GALNT14: variants seen among roughly 807,000 people sequenced by gnomAD.
GALNT14 encodes the protein UDP-GalNAc:polypeptide N-acetylgalactosaminyltransferase 14.
In GALNT14, 60 loss-of-function variants were observed where a neutral mutation model predicts 77.5. The observed-to-expected ratio is 0.77, with a 90% confidence interval of 0.63 to 0.96. The LOEUF (loss-of-function observed/expected upper bound fraction) is 0.96, where lower values mean the gene tolerates loss of function less well. GALNT14 is among the 40% of genes least tolerant of loss of function. GALNT14 has a pLI of 0.00. For synonymous variants in GALNT14, 280 were observed against 281.7 expected (o/e 0.99, Z 0.06); for missense variants, 710 against 731.0 (o/e 0.97, Z 0.33).
chr2:30,905,000 C>G, the GALNT14 span, among the ~76,000 whole-genome samples: 1 of 152,082 alleles, frequency 6.6e-6, no homozygotes, highest in African/African-American at 2.4e-5. Context: ...AGCTGAGGGT[C>G]CTGTCTGTTA....
At chr2:31,098,194 A>G (rs1677091720) in intron 1 of GALNT14, among the ~76,000 whole-genome samples, 1 of 152,164 alleles carries the variant, frequency 6.6e-6, no homozygotes, top group Non-Finnish European at 1.5e-5. Flanking sequence ...TTCTGCAAAC[A>G]AACACTCCAG....
Position 30,923,117 on chromosome 2 carries a change from C to T in GALNT14, c.1380+1002G>A, listed in dbSNP as rs7558728. Among the ~76,000 whole-genome samples the T allele has an allele frequency of 2.9e-3, 393 of 136,468 alleles. 6 individuals carry two copies. The highest frequency in any genetic ancestry group is 0.011 in the African/African-American group (374 of 35,332). 89.5% of individuals were successfully genotyped at this position (136,468 alleles called of 152,430 possible). On this transcript the variant is annotated intron_variant, in intron 13 of 14. Transcript: ENST00000349752. ...CACTATTGTTGCCTGGGCTGGAGTG[C>T]AATGGTGTGATCTCGGCTCACTGCA...
At chr2:30,938,864 T>C (rs1381418493) in intron 9 of GALNT14, among the ~76,000 whole-genome samples, 1 of 152,212 alleles carries the variant, frequency 6.6e-6, no homozygotes, top group Non-Finnish European at 1.5e-5. Context: ...CATGCAAACA[T>C]GTCTAGAACA....
chr2:31,117,031 C>CT, intron 1 of GALNT14, among the ~76,000 whole-genome samples: 1 of 151,880 alleles, frequency 6.6e-6, no homozygotes, highest in Non-Finnish European at 1.5e-5. Context: ...GAGCGAAACT[C>CT]TATCTCAGAA....
At chr2:31,002,613 A>T (rs1287666411) in intron 1 of GALNT14, among the ~76,000 whole-genome samples, 2 of 152,194 alleles carry the variant, frequency 1.3e-5, no homozygotes, top group Non-Finnish European at 2.9e-5. Context: ...CCAGCCAGTT[A>T]GGGAGTGACT....
intron 1 of GALNT14, among the ~76,000 whole-genome samples, chr2:31,035,643 A>G (rs1318689243): frequency 8.8e-6 from 1 of 113,002 alleles, no homozygotes; most frequent in Non-Finnish European, 1.9e-5. Flanking sequence ...ACACACACAC[A>G]CACACACACA....
At chr2:31,009,675 C>T (rs1226865218) in intron 1 of GALNT14, among the ~76,000 whole-genome samples, 1 of 152,202 alleles carries the variant, frequency 6.6e-6, no homozygotes, top group Non-Finnish European at 1.5e-5. Flanking sequence ...TCTTGATTTG[C>T]CCATTGGAAC....
intron 13 of GALNT14, among the ~76,000 whole-genome samples, chr2:30,919,911 T>G (rs1033608567): frequency 6.6e-6 from 1 of 152,188 alleles, no homozygotes; most frequent in African/African-American, 2.4e-5. Flanking sequence ...GGGACTACTC[T>G]CTGGCATGGT....
intron 1 of GALNT14, among the ~76,000 whole-genome samples, chr2:31,082,477 G>C (rs1219550009): frequency 6.6e-6 from 1 of 152,216 alleles, no homozygotes; most frequent in East Asian, 1.9e-4. Context: ...CAGATGCTTG[G>C]AGAAAGCCAG....
At chr2:30,901,320 A>T in the GALNT14 span, among the ~76,000 whole-genome samples, 3 of 152,120 alleles carry the variant, frequency 2.0e-5, no homozygotes, top group South Asian at 2.1e-4. Flanking sequence ...AGTCTCAGCC[A>T]CCCATATTGA....
chr2:30,913,364 G>C (rs1260165897), intron 13 of GALNT14, among the ~76,000 whole-genome samples: 1 of 152,144 alleles, frequency 6.6e-6, no homozygotes, highest in Admixed American at 6.5e-5. Context: ...CTCTGGACCA[G>C]GTTACTCATT....
intron 1 of GALNT14, among the ~76,000 whole-genome samples, chr2:31,102,861 T>C (rs1046168205): frequency 2.0e-5 from 3 of 152,156 alleles, no homozygotes; most frequent in Non-Finnish European, 4.4e-5. Context: ...ACATAGTTCC[T>C]TTATCTTATT....
chr2:31,101,065 A>G (rs1473544823), intron 1 of GALNT14, among the ~76,000 whole-genome samples: 3 of 152,058 alleles, frequency 2.0e-5, no homozygotes, highest in African/African-American at 7.2e-5. Flanking sequence ...ATTGTATCAA[A>G]GCATCATGAG....
intron 1 of GALNT14, among the ~76,000 whole-genome samples, chr2:31,110,455 C>T (rs368853750): frequency 1.3e-5 from 2 of 152,180 alleles, no homozygotes; most frequent in African/African-American, 4.8e-5. Flanking sequence ...CTCCAATGAG[C>T]AAAATCAGAG....
chr2:30,964,511 C>G (rs932790150), intron 3 of GALNT14, among the ~76,000 whole-genome samples: 1 of 152,146 alleles, frequency 6.6e-6, no homozygotes, highest in African/African-American at 2.4e-5. Context: ...CCCGGTGACA[C>G]CTGACAGTGA....
chr2:31,011,421 G>A (rs150968560), intron 1 of GALNT14, among the ~76,000 whole-genome samples: 223 of 152,206 alleles, frequency 1.5e-3, no homozygotes, highest in African/African-American at 5.1e-3. Flanking sequence ...CTGCTCACTG[G>A]GTCTCTGGTT....
intron 2 of GALNT14, among the ~76,000 whole-genome samples, chr2:30,990,757 C>A (rs1444266046): frequency 1.3e-5 from 2 of 152,196 alleles, no homozygotes; most frequent in Non-Finnish European, 2.9e-5. Context: ...AGAGTAAGTT[C>A]TTTAAGTGTG....
In GALNT14 at chr2:30,989,583, A is replaced by ATATATATATATAT. The variant is rs56703340; in HGVS notation, c.299+3254_299+3255insATATATATATATA. Reference sequence around the variant, plus strand: ...CCTTATATATATATATATATATATAAAAATATATATATTAGTAGATATATA... The same window carrying ATATATATATATAT: ...CCTTATATATATATATATATATATAATATATATATATATAAATATATATATTAGTAGATATATA... On this transcript the variant is annotated intron_variant, in intron 2 of 14. Transcript: ENST00000349752. 4.7e-3 allele frequency among the ~76,000 whole-genome samples: 427 copies of ATATATATATATAT among 91,724 alleles called. 9 individuals are homozygous for ATATATATATATAT. The highest frequency in any genetic ancestry group is 0.024 in the East Asian group (77 of 3,220). The allele number at this position is 91,724 out of a possible 152,430, so 60.2% of individuals were successfully genotyped here.
intron 1 of GALNT14, among the ~76,000 whole-genome samples, chr2:31,027,610 G>A (rs575266022): frequency 3.6e-4 from 55 of 152,262 alleles, no homozygotes; most frequent in African/African-American, 1.2e-3. Context: ...AACCTGGTAC[G>A]TGGAGGCCAG....
Sources: allele counts gnomAD v4.1 joint callset (sites outside exome capture counted in the v4.1 genomes callset), GRCh38; gene constraint gnomAD v4.1.1; transcripts MANE v1.5; gene names NCBI Gene and HGNC (gene_info 2026-07-23, HGNC 2026-07-21).